Variants in RXRG observed in about 807,000 individuals in gnomAD.
RXRG encodes the protein retinoid X receptor gamma.
A neutral mutation model predicts 49.2 loss-of-function variants in RXRG; 19 were observed. The observed-to-expected ratio is 0.39, with a 90% confidence interval of 0.27 to 0.57. The LOEUF is 0.57. RXRG is among the 20% of genes least tolerant of loss of function. The pLI is 0.64. For missense variants in RXRG, 452 were observed against 592.5 expected (o/e 0.76, Z 2.46); for synonymous variants, 224 against 216.6 (o/e 1.03, Z -0.30).
chr1:165,402,793 C>G (rs1220923948), intron 9 of RXRG, among the ~76,000 whole-genome samples: 1 of 152,028 alleles, frequency 6.6e-6, no homozygotes, highest in African/African-American at 2.4e-5. Context: ...TTCACACATA[C>G]TTCACATGTT....
chr1:165,410,607 T>G, intron 6 of RXRG, 95 bp downstream of exon 6: 2 of 1,392,940 alleles, frequency 1.4e-6, no homozygotes, highest in Non-Finnish European at 2.0e-6. Context: ...GGTACATAGC[T>G]TGGACATGTT....
At chr1:165,403,092 C>T (rs907250553) in intron 9 of RXRG, among the ~76,000 whole-genome samples, 1 of 152,184 alleles carries the variant, frequency 6.6e-6, no homozygotes, top group South Asian at 2.1e-4. Context: ...TAACTGAGGA[C>T]ATTTGTTGTG....
At chr1:165,422,845 G>C (rs966272880) in intron 2 of RXRG, among the ~76,000 whole-genome samples, 1 of 152,192 alleles carries the variant, frequency 6.6e-6, no homozygotes. Flanking sequence ...TACCTTACCA[G>C]GTCTGACTGC....
rs1332511317 is a variant in RXRG, at chr1:165,419,899, A to G, written c.413T>C (p.Ile138Thr). 1.9e-6 allele frequency: 3 copies of G among 1,612,922 alleles called. No individual in the cohort carries two copies. Among genetic ancestry groups the G allele is most frequent in the Non-Finnish European group, 2.5e-6 (3 of 1,179,510 alleles). ...STSPGSLVKHICAICGDRSSG... is the reference protein window; with the variant it reads ...STSPGSLVKHTCAICGDRSSG... ...GGATCTGTCTCCACAGATGGCACAG[A>G]TGTGTTTAACCAGAGATCCGGGGCT... The change falls in exon 3 of 10, where the codon ATC becomes ACC. Residue 138 changes from isoleucine (I) to threonine (T), a missense_variant. Coordinates refer to ENST00000359842, the MANE Select transcript of RXRG (RefSeq NM_006917.5).
intron 1 of RXRG, among the ~76,000 whole-genome samples, chr1:165,439,103 T>TAATC (rs1658903078): frequency 6.6e-6 from 1 of 152,150 alleles, no homozygotes; most frequent in South Asian, 2.1e-4. Flanking sequence ...AATTTAAAAG[T>TAATC]AATCTGCCAA....
At position 165,428,890 on chromosome 1, in the gene RXRG, G is replaced by A; in HGVS notation, c.126C>T (p.His42=). 6.2e-7 allele frequency: 1 copy of A among 1,614,052 alleles called. No individual in the cohort carries two copies. The change falls in exon 2 of 10, where the codon CAC becomes CAT. Residue 42 remains histidine (H), a synonymous_variant. Coordinates refer to ENST00000359842, the MANE Select transcript of RXRG (RefSeq NM_006917.5). ...ALSTGKPMDS[H]PSYTDTPVSA... Reference sequence around the variant, plus strand: ...TCACTGGGGTATCTGTGTAGCTGGGGTGGCTGTCCATTGGCTTCCCTGTGG... The same window carrying A: ...TCACTGGGGTATCTGTGTAGCTGGGATGGCTGTCCATTGGCTTCCCTGTGG...
Position 165,406,865 on chromosome 1 carries a change from A to G in RXRG, c.1191T>C (p.Val397=), listed in dbSNP as rs1472678276. ...TGGTGTAGGCCTCAAGGGTGGCATA[A>G]ACCTTCTCTCGCAGAGTCTCCACCT... ...PSEVETLREK[V]YATLEAYTKQ... Residue 397 remains valine, a synonymous_variant, in exon 9 of 10, where the codon GTT becomes GTC. Coordinates refer to ENST00000359842, the MANE Select transcript of RXRG (RefSeq NM_006917.5). 1.2e-6 allele frequency: 2 copies of G among 1,613,968 alleles called. No homozygotes were observed. Among genetic ancestry groups the G allele is most frequent in the South Asian group, 1.1e-5 (1 of 91,074 alleles).
chr1:165,430,532 G>A (rs1658643037), intron 1 of RXRG, among the ~76,000 whole-genome samples: 1 of 152,220 alleles, frequency 6.6e-6, no homozygotes, highest in African/African-American at 2.4e-5. Context: ...CTTGTGGAAG[G>A]AAGTCACTCC....
In RXRG at chr1:165,445,088, C is replaced by T; in HGVS notation, c.-195G>A. The T allele has an allele frequency of 1.7e-6, 1 of 590,424 alleles. No homozygotes were observed. The highest frequency in any genetic ancestry group is 2.2e-5 in the South Asian group (1 of 46,110). The allele number at this position is 590,424 out of a possible 1,614,324, so 36.6% of individuals were successfully genotyped here. On this transcript the variant is annotated 5_prime_UTR_variant, in exon 1 of 10. It adds an upstream start codon to the 5' untranslated region. Transcript: ENST00000359842. ...ATCTGCCTCTAGATCGGAGAGTCCA[C>T]ATAGTGCGTTTGAGACGGCTGTGGC...
intron 1 of RXRG, among the ~76,000 whole-genome samples, chr1:165,432,477 T>A (rs779684995): frequency 2.0e-5 from 3 of 152,218 alleles, no homozygotes; most frequent in Non-Finnish European, 2.9e-5. Context: ...AAACAACAAC[T>A]TTTATGACAA....
chr1:165,416,347 C>T (rs186163267), intron 4 of RXRG, among the ~76,000 whole-genome samples: 14 of 152,200 alleles, frequency 9.2e-5, no homozygotes, highest in African/African-American at 3.4e-4. Context: ...ACAGAAAGCA[C>T]CTTCTGAGGT....
chr1:165,406,969 T>C (rs1657772874), intron 8 of RXRG, 52 bp from the exon 9 acceptor site: 2 of 1,326,566 alleles, frequency 1.5e-6, no homozygotes, highest in Admixed American at 1.7e-5. Flanking sequence ...CAGCAGAGGC[T>C]GTCCCCATTC....
chr1:165,421,716 G>A (rs556153822), intron 2 of RXRG, among the ~76,000 whole-genome samples: 2 of 152,026 alleles, frequency 1.3e-5, no homozygotes, highest in Non-Finnish European at 2.9e-5. Flanking sequence ...ATTTTTGGTA[G>A]AGACAGGATT....
intron 2 of RXRG, among the ~76,000 whole-genome samples, chr1:165,421,947 A>G (rs1658334150): frequency 6.6e-6 from 1 of 152,210 alleles, no homozygotes; most frequent in South Asian, 2.1e-4. Context: ...AAAGAAACAG[A>G]GATTAGCACT....
At chr1:165,413,898 T>C (rs989355220) in intron 4 of RXRG, among the ~76,000 whole-genome samples, 1 of 152,166 alleles carries the variant, frequency 6.6e-6, no homozygotes. Context: ...GGGCAACAGG[T>C]CCTGGCCCCT....
intron 3 of RXRG, among the ~76,000 whole-genome samples, chr1:165,418,170 T>C (rs918944025): frequency 1.3e-5 from 2 of 150,798 alleles, no homozygotes; most frequent in African/African-American, 2.4e-5. Flanking sequence ...GACTAATTTG[T>C]TGCATATTTC....
intron 1 of RXRG, among the ~76,000 whole-genome samples, chr1:165,439,353 C>T (rs1377190176): frequency 2.6e-5 from 4 of 151,950 alleles, no homozygotes. Flanking sequence ...CACTCTCTCC[C>T]TCCCCCTTCC....
In RXRG at chr1:165,427,857, GAGAAA is replaced by G. The variant is rs1658542019; in HGVS notation, c.297+857_297+861del. ...CTTTTGCATTTCTATGATACACCAT[GAGAAA>G]AGCATGCCCCCAAGTAGCTGCCACT... On this transcript the variant is annotated intron_variant, in intron 2 of 9. Transcript: ENST00000359842. Among the ~76,000 whole-genome samples, 3 of 152,198 alleles carry G rather than the reference GAGAAA, an allele frequency of 2.0e-5. No individual in the cohort carries two copies. The South Asian group carries it at 6.2e-4, about 32-fold the overall frequency.
chr1:165,410,107 C>A (rs1298272533), intron 6 of RXRG, among the ~76,000 whole-genome samples: 1 of 152,138 alleles, frequency 6.6e-6, no homozygotes, highest in Non-Finnish European at 1.5e-5. Flanking sequence ...CTAGTAACAC[C>A]CAACACAGTC....
Sources: gnomAD v4.1 joint callset for allele counts (sites outside exome capture counted in the v4.1 genomes callset) on GRCh38, gnomAD v4.1.1 for gene constraint, MANE v1.5 for transcripts, NCBI Gene and HGNC (gene_info 2026-07-23, HGNC 2026-07-21) for gene names.